Variants in UEVLD observed in about 807,000 individuals in gnomAD.
UEVLD encodes the protein UEV and lactate/malate dehyrogenase domains.
In UEVLD, 47 loss-of-function variants were observed where a neutral mutation model predicts 58.6. The observed-to-expected ratio is 0.80, with a 90% CI of 0.63 to 1.02. The LOEUF is 1.02. UEVLD is among the 50% of genes least tolerant of loss of function. The pLI is 0.00. For synonymous variants in UEVLD, 197 were observed against 195.3 expected, an observed-to-expected ratio of 1.01 and a Z score of -0.07; for missense variants, 510 against 550.6, an observed-to-expected ratio of 0.93 and a Z score of 0.74.
chr11:18,536,306 G>A, intron 10 of UEVLD, 100 bp downstream of exon 10: 1 of 1,133,958 alleles, frequency 8.8e-7, no homozygotes, highest in Non-Finnish European at 1.3e-6. Context: ...TATTAGTTTT[G>A]TTTCCAGAAG....
At chr11:18,551,510 C>T (rs766226407) in intron 7 of UEVLD, among the ~76,000 whole-genome samples, 2 of 151,658 alleles carry the variant, frequency 1.3e-5, no homozygotes, top group Non-Finnish European at 2.9e-5. Flanking sequence ...TGTCATGTCA[C>T]AGGTAATGTG....
chr11:18,541,100 T>A (rs1223360596), intron 9 of UEVLD, among the ~76,000 whole-genome samples: 2 of 152,254 alleles, frequency 1.3e-5, no homozygotes, highest in East Asian at 1.9e-4. Context: ...GTAAGTGGTA[T>A]ATTTATCACA....
At chr11:18,540,496 A>T (rs567922604) in intron 9 of UEVLD, among the ~76,000 whole-genome samples, 2 of 152,352 alleles carry the variant, frequency 1.3e-5, no homozygotes, top group East Asian at 3.9e-4. Context: ...CTCTTCAAGA[A>T]GAGTAGAAGA....
intron 9 of UEVLD, among the ~76,000 whole-genome samples, chr11:18,538,414 T>A (rs1422295015): frequency 1.3e-5 from 2 of 151,718 alleles, no homozygotes; most frequent in Non-Finnish European, 2.9e-5. Flanking sequence ...GTAGCTGGGA[T>A]TACAGGTGTG....
rs1852523803 is a variant in UEVLD, at chr11:18,570,227, T to C, written c.344A>G (p.Gln115Arg). ...AQGRIYLPYLQNWSHPKSVIV... is the reference protein window; with the variant it reads ...AQGRIYLPYLRNWSHPKSVIV... ...AATTGATCTTACATGGCTCCAGTTT[T>C]GGAGATAGGGCAAATATATTCTGCC... Residue 115 changes from glutamine to arginine, a missense_variant, in exon 4 of 12, where the codon CAA (glutamine) becomes CGA (arginine). By Grantham distance (43) the Gln-to-Arg change is conservative. Coordinates refer to ENST00000396197, the MANE Select transcript of UEVLD (RefSeq NM_001040697.4). The C allele has an allele frequency of 6.3e-7, 1 of 1,599,662 alleles. No homozygotes were observed. The highest frequency in any genetic ancestry group is 1.1e-5 in the South Asian group (1 of 87,774).
chr11:18,579,230 G>A (rs1311089883), intron 1 of UEVLD, among the ~76,000 whole-genome samples: 1 of 152,110 alleles, frequency 6.6e-6, no homozygotes, highest in Non-Finnish European at 1.5e-5. Context: ...AACAAGAATG[G>A]TATTTGATTT....
At chr11:18,560,116 CACACACACACACACACACACACAGAG>C (rs2134008766) in intron 6 of UEVLD, among the ~76,000 whole-genome samples, 2 of 123,120 alleles carry the variant, frequency 1.6e-5, no homozygotes, top group South Asian at 3.1e-4. Context: ...CACACACACA[CACACACACACACACACACACACAGAG>C]AGAGAAAGAA....
chr11:18,566,979 T>G (rs1852331817), intron 4 of UEVLD, among the ~76,000 whole-genome samples: 1 of 152,176 alleles, frequency 6.6e-6, no homozygotes, highest in Admixed American at 6.6e-5. Context: ...GTACATATAC[T>G]CTTCACCTAG....
At chr11:18,578,261 T>G (rs562576573) in intron 2 of UEVLD, among the ~76,000 whole-genome samples, 3 of 152,208 alleles carry the variant, frequency 2.0e-5, no homozygotes, top group Non-Finnish European at 4.4e-5. Context: ...AGAAGAATGG[T>G]TAGAGACATG....
At chr11:18,567,318 T>C (rs1320003094) in intron 4 of UEVLD, among the ~76,000 whole-genome samples, 1 of 152,200 alleles carries the variant, frequency 6.6e-6, no homozygotes, top group Non-Finnish European at 1.5e-5. Flanking sequence ...GAGCAATAAA[T>C]GAGTCAATGA....
intron 2 of UEVLD, 106 bp downstream of exon 2, chr11:18,578,618 C>T (rs1324446979): frequency 1.3e-6 from 1 of 767,658 alleles, no homozygotes; most frequent in Non-Finnish European, 2.2e-6. Context: ...AGCTGAAAAT[C>T]AGAGGATAAA....
intron 1 of UEVLD, among the ~76,000 whole-genome samples, chr11:18,582,684 A>T (rs1171818962): frequency 1.3e-5 from 2 of 152,104 alleles, no homozygotes; most frequent in Non-Finnish European, 2.9e-5. Context: ...TAATATTAAG[A>T]CAGATTCCAT....
chr11:18,543,495 A>G (rs918342678), intron 9 of UEVLD, among the ~76,000 whole-genome samples: 1 of 152,146 alleles, frequency 6.6e-6, no homozygotes, highest in African/African-American at 2.4e-5. Context: ...ATCTATTAAA[A>G]TCCTATTCAT....
intron 2 of UEVLD, among the ~76,000 whole-genome samples, chr11:18,575,898 C>G (rs1244769626): frequency 6.6e-6 from 1 of 152,222 alleles, no homozygotes; most frequent in Non-Finnish European, 1.5e-5. Context: ...ACACCTACCT[C>G]CACTACGCCC....
At chr11:18,545,567 C>A (rs1227370662) in intron 8 of UEVLD, among the ~76,000 whole-genome samples, 5 of 151,986 alleles carry the variant, frequency 3.3e-5, no homozygotes, top group Admixed American at 2.6e-4. Flanking sequence ...ACCTTAGTCT[C>A]CCTAGTAGCT....
At chr11:18,575,082 T>C (rs1050758076) in intron 3 of UEVLD, among the ~76,000 whole-genome samples, 1 of 152,170 alleles carries the variant, frequency 6.6e-6, no homozygotes, top group Admixed American at 6.5e-5. Flanking sequence ...TGTATTCTCA[T>C]TGTACAATGC....
In UEVLD at chr11:18,544,639, C is replaced by T. The variant is rs748148518; in HGVS notation, c.1044G>A (p.Glu348=). The T allele has an allele frequency of 1.3e-6, 2 of 1,594,124 alleles. No homozygotes were observed. The highest frequency in any genetic ancestry group is 1.7e-6 in the Non-Finnish European group (2 of 1,173,280). ...ACTTCTTACCTTTGTCTTCTCCTTG[C>T]TCGCCAATAACCCATACTTCTTTGC... The part of the protein sequence containing the change: ...TSGKEVWVIG[E]QGEDKVLTWS... The change falls in exon 9 of 12, where the codon GAG becomes GAA. Residue 348 remains glutamate, a synonymous_variant. Transcript: ENST00000396197.
intron 9 of UEVLD, chr11:18,536,686 A>G (rs749364076): frequency 1.9e-5 from 9 of 482,634 alleles, no homozygotes; most frequent in Middle Eastern, 5.9e-4. Context: ...ATGATCCCCA[A>G]AGTCTGCTTG....
rs940092783 is a variant in UEVLD, at chr11:18,553,943, T to C, written c.715+4285A>G. ...ATAGTTGCACAACATTGTGAATGAGTACCTAAAGTCACCAATGGTAAATTT... is the reference window on the plus strand; with the variant it reads ...ATAGTTGCACAACATTGTGAATGAGCACCTAAAGTCACCAATGGTAAATTT... On this transcript the variant is annotated intron_variant, in intron 7 of 11. Coordinates refer to ENST00000396197, the MANE Select transcript of UEVLD (RefSeq NM_001040697.4). Among the ~76,000 whole-genome samples, 7 of 152,218 alleles carry C rather than the reference T, an allele frequency of 4.6e-5. No individual in the cohort carries two copies. In the East Asian group the frequency reaches 1.2e-3, roughly 25 times the overall value.
Sources: gnomAD v4.1 joint callset for allele counts (sites outside exome capture counted in the v4.1 genomes callset) on GRCh38, gnomAD v4.1.1 for gene constraint, MANE v1.5 for transcripts, NCBI Gene and HGNC (gene_info 2026-07-23, HGNC 2026-07-21) for gene names.